NMNAT2: variants seen among roughly 807,000 people sequenced by gnomAD.
NMNAT2 encodes the protein nicotinamide/nicotinic acid mononucleotide adenylyltransferase 2.
Under a neutral mutation model 41.6 loss-of-function variants are expected in NMNAT2, and 11 were observed. The ratio of observed to expected loss-of-function variants is 0.26; its 90% confidence interval spans 0.17 to 0.44. The LOEUF (loss-of-function observed/expected upper bound fraction) is 0.44, where lower values mean the gene tolerates loss of function less well. NMNAT2 is among the 20% of genes least tolerant of loss of function. The probability of loss-of-function intolerance (pLI) is 1.00; values close to 1 mark genes in which losing one functional copy is unlikely to be tolerated. For missense variants in NMNAT2, 288 were observed against 407.7 expected, an observed-to-expected ratio of 0.71 and a Z score of 2.53; for synonymous variants, 148 against 151.2, an observed-to-expected ratio of 0.98 and a Z score of 0.16.
At chr1:183,394,976 G>C (rs1648593919) in intron 1 of NMNAT2, among the ~76,000 whole-genome samples, 1 of 152,170 alleles carries the variant, frequency 6.6e-6, no homozygotes, top group South Asian at 2.1e-4. Context: ...CCGGATGGCA[G>C]TTACCCACCC....
intron 8 of NMNAT2, among the ~76,000 whole-genome samples, chr1:183,273,629 C>T (rs1661040548): frequency 6.6e-6 from 1 of 152,158 alleles, no homozygotes; most frequent in Non-Finnish European, 1.5e-5. Context: ...GAGATCCAAC[C>T]TTCCCCAAAT....
At chr1:183,411,672 A>C (rs1437385177) in intron 1 of NMNAT2, among the ~76,000 whole-genome samples, 1 of 152,220 alleles carries the variant, frequency 6.6e-6, no homozygotes, top group East Asian at 1.9e-4. Flanking sequence ...TACATTAATG[A>C]GCAGAGTAAA....
chr1:183,261,524 G>A (rs1298918822), intron 8 of NMNAT2, among the ~76,000 whole-genome samples: 2 of 152,134 alleles, frequency 1.3e-5, no homozygotes, highest in Non-Finnish European at 2.9e-5. Context: ...CACAGAAGTC[G>A]CTTAATAAAT....
At chr1:183,278,091 A>AAT (rs903520224) in intron 8 of NMNAT2, among the ~76,000 whole-genome samples, 9 of 152,200 alleles carry the variant, frequency 5.9e-5, no homozygotes, top group Non-Finnish European at 2.9e-5. Context: ...ATGCCAAGTC[A>AAT]ATTGCCAAGG....
intron 1 of NMNAT2, among the ~76,000 whole-genome samples, chr1:183,362,662 T>A (rs1210703466): frequency 6.6e-6 from 1 of 152,222 alleles, no homozygotes; most frequent in Non-Finnish European, 1.5e-5. Flanking sequence ...CAGTTTTTCA[T>A]CAGTTGATGG....
chr1:183,330,940 T>C (rs1467431970), intron 1 of NMNAT2, among the ~76,000 whole-genome samples: 2 of 152,210 alleles, frequency 1.3e-5, no homozygotes, highest in Non-Finnish European at 2.9e-5. Context: ...CAGATCTCCA[T>C]TCAACCTCTC....
intron 1 of NMNAT2, among the ~76,000 whole-genome samples, chr1:183,345,780 G>A (rs953865050): frequency 5.3e-5 from 8 of 151,404 alleles, no homozygotes; most frequent in African/African-American, 7.3e-5. Flanking sequence ...TCCGCCTCCC[G>A]GGTTCACGCC....
chr1:183,317,079 T>TA (rs1373448552), intron 1 of NMNAT2, among the ~76,000 whole-genome samples: 1 of 152,232 alleles, frequency 6.6e-6, no homozygotes, highest in Non-Finnish European at 1.5e-5. Flanking sequence ...AGAATGTCTC[T>TA]AAAATGGGAA....
intron 1 of NMNAT2, among the ~76,000 whole-genome samples, chr1:183,396,510 C>T (rs1648654814): frequency 6.6e-6 from 1 of 152,082 alleles, no homozygotes; most frequent in Non-Finnish European, 1.5e-5. Flanking sequence ...CTCCTTGGGA[C>T]ATTTGACTGG....
intron 1 of NMNAT2, among the ~76,000 whole-genome samples, chr1:183,364,200 A>C (rs1050562236): frequency 6.6e-6 from 1 of 152,238 alleles, no homozygotes; most frequent in Non-Finnish European, 1.5e-5. Context: ...AGGAACACGA[A>C]AGGGGATATG....
At chr1:183,401,967 G>GC (rs1244142860) in intron 1 of NMNAT2, among the ~76,000 whole-genome samples, 2 of 151,912 alleles carry the variant, frequency 1.3e-5, no homozygotes, top group Non-Finnish European at 2.9e-5. Context: ...TATACCTAAT[G>GC]TAAATGACGA....
At chr1:183,265,186 A>G (rs1257505048) in intron 8 of NMNAT2, among the ~76,000 whole-genome samples, 1 of 149,368 alleles carries the variant, frequency 6.7e-6, no homozygotes, top group Non-Finnish European at 1.5e-5. Context: ...TAGTTAAACC[A>G]TCCACTCCCC....
At chr1:183,286,253 A>G (rs1661395397) in intron 5 of NMNAT2, among the ~76,000 whole-genome samples, 1 of 151,116 alleles carries the variant, frequency 6.6e-6, no homozygotes, top group Admixed American at 6.6e-5. Flanking sequence ...TGTTATTGTT[A>G]TTATTATTAT....
At chr1:183,372,108 C>T (rs1663557051) in intron 1 of NMNAT2, among the ~76,000 whole-genome samples, 1 of 152,160 alleles carries the variant, frequency 6.6e-6, no homozygotes, top group Admixed American at 6.6e-5. Context: ...CAGGGAGCAA[C>T]ATGAAGCAAA....
intron 10 of NMNAT2, among the ~76,000 whole-genome samples, chr1:183,259,240 G>A (rs79157659): frequency 0.1 from 15,528 of 152,204 alleles, 928 homozygotes; most frequent in East Asian, 0.19. Context: ...TCTGCATGGC[G>A]ACTCTAATGT....
At chr1:183,355,383 T>A (rs1663162065) in intron 1 of NMNAT2, among the ~76,000 whole-genome samples, 2 of 152,166 alleles carry the variant, frequency 1.3e-5, no homozygotes, top group South Asian at 4.1e-4. Context: ...TCCTTAGGAA[T>A]GCAAATGATT....
At chr1:183,349,979 G>T (rs1440852548) in intron 1 of NMNAT2, among the ~76,000 whole-genome samples, 3 of 152,166 alleles carry the variant, frequency 2.0e-5, no homozygotes, top group African/African-American at 7.2e-5. Context: ...ATAGTCTGAG[G>T]CTCCAGAGTT....
rs561846657 is a variant in NMNAT2, at chr1:183,313,391, AT to A, written c.86-19599del. ...TTTCCTTAGGCATGGATAACTGGGT[AT>A]TTGGTTAGCAAGGAAAAAAGAAAAT... On this transcript the variant is annotated intron_variant, in intron 1 of 10. Transcript: ENST00000287713. 1.7e-3 allele frequency among the ~76,000 whole-genome samples: 263 copies of A among 152,322 alleles called. 1 individual carries two copies. Among genetic ancestry groups the A allele is most frequent in the African/African-American group, 6.0e-3 (249 of 41,572 alleles).
chr1:183,250,825 A>G lies in NMNAT2; in HGVS notation c.*1816T>C, dbSNP rs1376577797. On this transcript the variant is annotated 3_prime_UTR_variant, in exon 11 of 11. Coordinates refer to ENST00000287713, the MANE Select transcript of NMNAT2 (RefSeq NM_015039.4). ...CTCTACCATGTTCTTCTGTTAAATC[A>G]AGTTCCTTTTCCCGCAATTGAAGGA... The G allele has an allele frequency of 6.6e-6, 1 of 152,628 alleles. No homozygotes were observed. Among genetic ancestry groups the G allele is most frequent in the Non-Finnish European group, 1.5e-5 (1 of 68,050 alleles). 9.5% of individuals were successfully genotyped at this position (152,628 alleles called of 1,614,324 possible). A position where few individuals can be genotyped will look rare whatever the true frequency, so the allele number is the denominator to read the frequency against.
Sources: allele counts gnomAD v4.1 joint callset (sites outside exome capture counted in the v4.1 genomes callset), GRCh38; gene constraint gnomAD v4.1.1; transcripts MANE v1.5; gene names NCBI Gene and HGNC (gene_info 2026-07-23, HGNC 2026-07-21).